DLG2: variants seen among roughly 807,000 people sequenced by gnomAD.
The protein encoded by DLG2 is discs large MAGUK scaffold protein 2, also known as disks large homolog 2.
DLG2 carries 45 observed loss-of-function variants against 132.5 expected under a neutral mutation model. The observed-to-expected ratio is 0.34, with a 90% CI of 0.27 to 0.44. The LOEUF (loss-of-function observed/expected upper bound fraction) is 0.44. Among genes scored for constraint, DLG2 ranks in the 20% least tolerant of loss-of-function variants. The probability of loss-of-function intolerance (pLI) is 1.00; values close to 1 mark genes in which losing one functional copy is unlikely to be tolerated. For missense variants in DLG2, 1,045 were observed against 1,196.9 expected (o/e 0.87, Z 1.87); for synonymous variants, 424 against 419.6 (o/e 1.01, Z -0.13).
intron 6 of DLG2, among the ~76,000 whole-genome samples, chr11:84,736,072 T>A (rs985810702): frequency 2.4e-4 from 36 of 151,956 alleles, no homozygotes; most frequent in African/African-American, 8.4e-4. Flanking sequence ...TAAATTTTTA[T>A]ATATGATATG....
rs1269595149 is a variant in DLG2 at position 84,566,816 on chromosome 11, T to C, written c.358-32085A>G. 2.6e-5 allele frequency among the ~76,000 whole-genome samples: 4 copies of C among 152,188 alleles called. No homozygotes were observed. The South Asian group carries it at 6.2e-4, about 24-fold the overall frequency. On this transcript the variant is annotated intron_variant, in intron 6 of 27. Coordinates refer to ENST00000376104, the MANE Select transcript of DLG2 (RefSeq NM_001142699.3). The stretch of plus-strand genomic sequence containing the variant: ...TGAAGTGGATTGCAGGATAAATTTT[T>C]TAAAAACTGTACTATAAAAAACCCT...
intron 5 of DLG2, among the ~76,000 whole-genome samples, chr11:85,143,279 G>A (rs1226681720): frequency 3.3e-5 from 5 of 151,632 alleles, no homozygotes; most frequent in African/African-American, 1.2e-4. Flanking sequence ...AATCTTGGTA[G>A]GTTGTATGTG....
intron 6 of DLG2, among the ~76,000 whole-genome samples, chr11:84,711,002 A>G (rs987104095): frequency 6.3e-5 from 4 of 63,220 alleles, no homozygotes; most frequent in African/African-American, 2.3e-4. Flanking sequence ...ACATTCATAT[A>G]TATATAGATA....
rs145984784 is a variant in DLG2, at chr11:83,907,458, C to T, written c.1496+22870G>A. Among the ~76,000 whole-genome samples, 638 of 152,206 alleles carry T rather than the reference C, an allele frequency of 4.2e-3. 5 individuals carry two copies. Among genetic ancestry groups the T allele is most frequent in the African/African-American group, 0.015 (609 of 41,526 alleles). On this transcript the variant is annotated intron_variant, in intron 15 of 27. Transcript: ENST00000376104. ...TGAGTAAATTAGGATGATAGCATCC[C>T]TGGAGTGAACGAGAGTTATTTTCAA...
intron 17 of DLG2, among the ~76,000 whole-genome samples, chr11:83,801,817 C>G (rs976348028): frequency 6.6e-6 from 1 of 152,084 alleles, no homozygotes; most frequent in Non-Finnish European, 1.5e-5. Flanking sequence ...TCTTTTAACT[C>G]CATACTTTTA....
intron 4 of DLG2, among the ~76,000 whole-genome samples, chr11:85,243,993 T>A (rs2076017034): frequency 6.6e-6 from 1 of 151,982 alleles, no homozygotes; most frequent in Non-Finnish European, 1.5e-5. Flanking sequence ...CTATGAAGTT[T>A]CAATGAAAAA....
At chr11:84,828,855 G>A (rs868514875) in intron 6 of DLG2, among the ~76,000 whole-genome samples, 1 of 151,716 alleles carries the variant, frequency 6.6e-6, no homozygotes, top group African/African-American at 2.4e-5. Context: ...AAATGGCTTA[G>A]AGCACTGAAA....
chr11:83,795,685 C>T (rs1443810424), intron 17 of DLG2, among the ~76,000 whole-genome samples: 1 of 151,962 alleles, frequency 6.6e-6, no homozygotes, highest in Non-Finnish European at 1.5e-5. Context: ...ATTATATTTG[C>T]TACTTCTCCC....
chr11:84,760,195 T>C (rs997109918), intron 6 of DLG2, among the ~76,000 whole-genome samples: 7 of 152,218 alleles, frequency 4.6e-5, no homozygotes, highest in Admixed American at 3.3e-4. Context: ...ATATTAAGTT[T>C]CATATTCCTG....
chr11:85,245,689 C>T (rs1354363170), intron 4 of DLG2, among the ~76,000 whole-genome samples: 1 of 152,056 alleles, frequency 6.6e-6, no homozygotes, highest in South Asian at 2.1e-4. Context: ...CCATTTCACT[C>T]AAAATAAAGG....
chr11:84,577,894 G>A (rs1565351223), intron 6 of DLG2, among the ~76,000 whole-genome samples: 5 of 152,148 alleles, frequency 3.3e-5, no homozygotes, highest in Admixed American at 1.3e-4. Context: ...AGGAAAAAGT[G>A]GTTTGGGGGC....
chr11:85,623,185 T>C (rs2081840939), intron 2 of DLG2, among the ~76,000 whole-genome samples: 1 of 152,120 alleles, frequency 6.6e-6, no homozygotes, highest in African/African-American at 2.4e-5. Context: ...AATGTTTATA[T>C]ATATATTATA....
At chr11:84,901,991 A>T (rs1354489522) in intron 6 of DLG2, among the ~76,000 whole-genome samples, 1 of 152,122 alleles carries the variant, frequency 6.6e-6, no homozygotes, top group South Asian at 2.1e-4. Context: ...TTATAATAAG[A>T]AATTATTTAA....
chr11:85,541,411 G>T (rs1047107516), intron 3 of DLG2, among the ~76,000 whole-genome samples: 29 of 151,542 alleles, frequency 1.9e-4, no homozygotes, highest in Non-Finnish European at 1.5e-5. Flanking sequence ...CTTTACAGGT[G>T]AGGAAACTAG....
At position 83,622,410 on chromosome 11, in the gene DLG2, G is replaced by A. The variant is rs183294955; in HGVS notation, c.1940+10801C>T. On this transcript the variant is annotated intron_variant, in intron 19 of 27. Transcript: ENST00000376104. Reference sequence around the variant, plus strand: ...ATCTATCCTGGAACAAGAGAGGCAGGGACCTGGCTCATACAACTGTAATGA... The same window carrying A: ...ATCTATCCTGGAACAAGAGAGGCAGAGACCTGGCTCATACAACTGTAATGA... 1.7e-3 allele frequency among the ~76,000 whole-genome samples: 264 copies of A among 152,240 alleles called. 2 individuals carry two copies. Among genetic ancestry groups the A allele is most frequent in the Middle Eastern group, 0.017 (5 of 294 alleles).
At chr11:84,732,424 C>G (rs942357823) in intron 6 of DLG2, among the ~76,000 whole-genome samples, 1 of 151,972 alleles carries the variant, frequency 6.6e-6, no homozygotes, top group African/African-American at 2.4e-5. Flanking sequence ...TTCACCATCA[C>G]CTGGTATTGT....
At chr11:84,195,533 G>A (rs989678206) in intron 8 of DLG2, among the ~76,000 whole-genome samples, 11 of 152,136 alleles carry the variant, frequency 7.2e-5, no homozygotes, top group African/African-American at 2.7e-4. Flanking sequence ...TTTCTGAAAG[G>A]GAGGTACTGT....
intron 6 of DLG2, among the ~76,000 whole-genome samples, chr11:84,762,553 T>G (rs1217841240): frequency 6.6e-6 from 1 of 152,196 alleles, no homozygotes; most frequent in Non-Finnish European, 1.5e-5. Context: ...GTTTTTTGCT[T>G]TGTTTCAAAA....
At chr11:85,124,046 G>A (rs956762413) in intron 5 of DLG2, among the ~76,000 whole-genome samples, 1 of 152,220 alleles carries the variant, frequency 6.6e-6, no homozygotes, top group African/African-American at 2.4e-5. Context: ...TTATCCTTCA[G>A]TGTCAGACTC....
Sources: gnomAD v4.1 joint callset for allele counts (sites outside exome capture counted in the v4.1 genomes callset) on GRCh38, gnomAD v4.1.1 for gene constraint, MANE v1.5 for transcripts, NCBI Gene and HGNC (gene_info 2026-07-23, HGNC 2026-07-21) for gene names.